Variants in ADGRB3 observed in about 807,000 individuals in gnomAD.
ADGRB3 encodes adhesion G protein-coupled receptor B3, also known as brain-specific angiogenesis inhibitor 3.
In ADGRB3, 37 loss-of-function variants were observed where a neutral mutation model predicts 193.4. The ratio of observed to expected loss-of-function variants is 0.19; its 90% confidence interval spans 0.15 to 0.25. The LOEUF (loss-of-function observed/expected upper bound fraction) is 0.25, where lower values mean the gene tolerates loss of function less well. Ranked by LOEUF, ADGRB3 falls within the 10% of genes least tolerant of loss-of-function variation. ADGRB3 has a pLI of 1.00. For synonymous variants in ADGRB3, 690 were observed against 644.2 expected (o/e 1.07, Z -1.08); for missense variants, 1,637 against 1,852.9 (o/e 0.88, Z 2.14).
intron 10 of ADGRB3, among the ~76,000 whole-genome samples, chr6:68,981,308 T>C (rs1386229964): frequency 4.0e-5 from 6 of 151,686 alleles, no homozygotes; most frequent in Non-Finnish European, 8.9e-5. Context: ...GTTTTTAACA[T>C]GTGGTCTTGA....
At chr6:69,040,492 A>G (rs1219466568) in intron 13 of ADGRB3, among the ~76,000 whole-genome samples, 1 of 151,450 alleles carries the variant, frequency 6.6e-6, no homozygotes, top group Admixed American at 6.6e-5. Context: ...AGAGTTGGGT[A>G]TATGGCTCTG....
intron 3 of ADGRB3, among the ~76,000 whole-genome samples, chr6:68,763,269 T>A (rs774414516): frequency 3.3e-5 from 5 of 152,146 alleles, no homozygotes; most frequent in Non-Finnish European, 7.3e-5. Flanking sequence ...TTTTATATTT[T>A]TGTAGAGATG....
In ADGRB3 at chr6:69,205,402, T is replaced by C. The variant is rs555236821; in HGVS notation, c.2481-27888T>C. Among the ~76,000 whole-genome samples the C allele has an allele frequency of 8.5e-5, 13 of 152,126 alleles. No individual in the cohort carries two copies. In the South Asian group the frequency reaches 2.5e-3, roughly 29 times the overall value. ...TCTGTAGAATAAAAGACCTTTTTTT[T>C]TTTTTTACCTGAGAAGATAGCCTCA... is the stretch of plus-strand genomic sequence containing the variant. On this transcript the variant is annotated intron_variant, in intron 17 of 31. Transcript: ENST00000370598.
intron 17 of ADGRB3, among the ~76,000 whole-genome samples, chr6:69,090,134 C>T (rs925018342): frequency 6.6e-6 from 1 of 152,154 alleles, no homozygotes; most frequent in Non-Finnish European, 1.5e-5. Context: ...ATTTTCTAAA[C>T]TTCTATTACC....
chr6:68,724,826 TGGGA>T, intron 3 of ADGRB3, among the ~76,000 whole-genome samples: 1 of 151,754 alleles, frequency 6.6e-6, no homozygotes, highest in Admixed American at 6.6e-5. Context: ...GTTGGGGCAC[TGGGA>T]ATATAAATGA....
intron 3 of ADGRB3, among the ~76,000 whole-genome samples, chr6:68,647,965 G>C (rs1172090596): frequency 1.3e-5 from 2 of 151,986 alleles, no homozygotes; most frequent in Non-Finnish European, 2.9e-5. Context: ...ATCAAAAATG[G>C]TTAGCATCAA....
chr6:68,870,311 G>T (rs12211865), intron 3 of ADGRB3, among the ~76,000 whole-genome samples: 4 of 152,112 alleles, frequency 2.6e-5, no homozygotes, highest in African/African-American at 9.7e-5. Flanking sequence ...CTCAGGAGCC[G>T]CATTAAATCA....
intron 17 of ADGRB3, among the ~76,000 whole-genome samples, chr6:69,100,868 A>AGAAGCGAGGGAG (rs1562159416): frequency 2.4e-4 from 6 of 24,528 alleles, no homozygotes; most frequent in Non-Finnish European, 4.2e-4. Context: ...GAAGGAAGGA[A>AGAAGCGAGGGAG]GGAAGAAGGA....
intron 12 of ADGRB3, among the ~76,000 whole-genome samples, chr6:69,016,744 A>T (rs527817258): frequency 6.6e-6 from 1 of 151,936 alleles, no homozygotes; most frequent in African/African-American, 2.4e-5. Flanking sequence ...AAATAAATTG[A>T]CATGCATTGC....
At chr6:68,985,733 G>A (rs1769051029) in intron 10 of ADGRB3, among the ~76,000 whole-genome samples, 2 of 152,138 alleles carry the variant, frequency 1.3e-5, no homozygotes, top group Admixed American at 6.6e-5. Flanking sequence ...TGGCTTTCAG[G>A]TACTGAGATT....
At chr6:69,248,663 C>T (rs1320538840) in intron 20 of ADGRB3, among the ~76,000 whole-genome samples, 1 of 152,220 alleles carries the variant, frequency 6.6e-6, no homozygotes, top group Non-Finnish European at 1.5e-5. Context: ...CTATTCAGTT[C>T]TGCTGTTGTT....
chr6:68,656,471 A>G (rs532126252), intron 3 of ADGRB3, among the ~76,000 whole-genome samples: 1 of 151,670 alleles, frequency 6.6e-6, no homozygotes, highest in South Asian at 2.1e-4. Flanking sequence ...CACGAAATCT[A>G]TTTAGAAAAG....
chr6:69,324,668 G>A (rs1252740139), intron 20 of ADGRB3, among the ~76,000 whole-genome samples: 1 of 152,010 alleles, frequency 6.6e-6, no homozygotes, highest in Non-Finnish European at 1.5e-5. Context: ...AATGAAATTA[G>A]ACTTTTTTTT....
chr6:69,327,935 C>A, intron 22 of ADGRB3, 46 bp downstream of exon 22: 2 of 1,524,304 alleles, frequency 1.3e-6, no homozygotes, highest in Non-Finnish European at 1.8e-6. Flanking sequence ...TTTAACAAAT[C>A]ATCAAAGAGT....
chr6:69,126,234 CAT>C (rs1185031000), intron 17 of ADGRB3, among the ~76,000 whole-genome samples: 2,261 of 146,310 alleles, frequency 0.015, 43 homozygotes, highest in Admixed American at 0.059. Context: ...TAGATACACA[CAT>C]ACATACATAC....
intron 11 of ADGRB3, among the ~76,000 whole-genome samples, chr6:69,004,383 G>A (rs1270893737): frequency 1.3e-5 from 2 of 150,608 alleles, no homozygotes; most frequent in Non-Finnish European, 3.0e-5. Flanking sequence ...GTGTCTCTCT[G>A]TGTGTTCTAA....
At chr6:68,657,257 A>T (rs1470947512) in intron 3 of ADGRB3, among the ~76,000 whole-genome samples, 1 of 151,362 alleles carries the variant, frequency 6.6e-6, no homozygotes, top group Non-Finnish European at 1.5e-5. Flanking sequence ...AAAAACAAAA[A>T]TGGTCTGGGA....
chr6:69,059,069 CATTAT>C, intron 15 of ADGRB3, among the ~76,000 whole-genome samples: 1 of 151,926 alleles, frequency 6.6e-6, no homozygotes, highest in South Asian at 2.1e-4. Context: ...TAAAATATCC[CATTAT>C]ATTGTTACTA....
chr6:69,181,454 G>A (rs1309152327), intron 17 of ADGRB3, among the ~76,000 whole-genome samples: 1 of 151,844 alleles, frequency 6.6e-6, no homozygotes, highest in Non-Finnish European at 1.5e-5. Flanking sequence ...ATAAATGCAC[G>A]ATATATGCAT....
Sources: allele counts gnomAD v4.1 joint callset (sites outside exome capture counted in the v4.1 genomes callset), GRCh38; gene constraint gnomAD v4.1.1; transcripts MANE v1.5; gene names NCBI Gene and HGNC (gene_info 2026-07-23, HGNC 2026-07-21).